DRC9: variants seen among roughly 807,000 people sequenced by gnomAD.
DRC9 encodes dynein regulatory complex protein 9.
At chr3:197,932,381 T>C in the DRC9 span, 2 of 1,184,736 alleles carry the variant, frequency 1.7e-6, no homozygotes, top group Non-Finnish European at 2.4e-6. Flanking sequence ...ACCCCTGTAA[T>C]CCCAGCACTT....
At chr3:197,894,573 G>A in the DRC9 span, 2 of 152,110 alleles carry the variant, frequency 1.3e-5, no homozygotes, top group South Asian at 2.1e-4. Flanking sequence ...TGGCTCCTGC[G>A]CAAGAGTGAC....
At chr3:197,893,217 C>T in the DRC9 span, among the ~76,000 whole-genome samples, 1,132 of 152,062 alleles carry the variant, frequency 7.4e-3, 10 homozygotes, top group African/African-American at 0.021. Context: ...ATTAGCTGGG[C>T]ATGGTGGCGC....
chr3:197,915,240 TA>T, the DRC9 span, among the ~76,000 whole-genome samples: 11 of 129,774 alleles, frequency 8.5e-5, no homozygotes, highest in Admixed American at 8.1e-5. Flanking sequence ...AAGGGAACTC[TA>T]AAAAAAAAAA....
the DRC9 span, chr3:197,943,920 G>C: frequency 6.2e-7 from 1 of 1,614,098 alleles, no homozygotes; most frequent in Non-Finnish European, 8.5e-7. Context: ...CGGGATTTCT[G>C]GGATGATTTC....
the DRC9 span, among the ~76,000 whole-genome samples, chr3:197,928,861 C>T: frequency 6.6e-6 from 1 of 152,050 alleles, no homozygotes; most frequent in Non-Finnish European, 1.5e-5. Flanking sequence ...AGCTACAGGC[C>T]CCCCAGAAAA....
the DRC9 span, among the ~76,000 whole-genome samples, chr3:197,909,814 GAA>G: frequency 6.6e-6 from 1 of 152,136 alleles, no homozygotes; most frequent in African/African-American, 2.4e-5. Context: ...CCAACATGGT[GAA>G]ACCCCATCTC....
chr3:197,926,175 C>T, the DRC9 span: 20 of 829,224 alleles, frequency 2.4e-5, no homozygotes, highest in Non-Finnish European at 3.9e-5. Context: ...AGGACCACCC[C>T]GCACATAAGA....
the DRC9 span, chr3:197,960,062 C>G: frequency 1.6e-6 from 1 of 628,522 alleles, no homozygotes; most frequent in South Asian, 2.1e-5. Flanking sequence ...CTTCGCGCCA[C>G]GAGACGCGAT....
At chr3:197,950,820 ACTC>A in the DRC9 span, 3 of 851,296 alleles carry the variant, frequency 3.5e-6, no homozygotes, top group East Asian at 7.6e-5. Context: ...TTGTCCCCGA[ACTC>A]CTACATGAAA....
the DRC9 span, chr3:197,954,572 T>C: frequency 3.6e-6 from 1 of 277,522 alleles, no homozygotes; most frequent in African/African-American, 2.2e-5. Flanking sequence ...TGCAGTGGCA[T>C]GATCTCAGCT....
chr3:197,941,080 T>C, the DRC9 span, among the ~76,000 whole-genome samples: 3 of 152,186 alleles, frequency 2.0e-5, no homozygotes, highest in Non-Finnish European at 2.9e-5. Flanking sequence ...GCAGGTAGCA[T>C]TGAAAAGACT....
chr3:197,934,331 C>A, the DRC9 span, among the ~76,000 whole-genome samples: 12 of 151,830 alleles, frequency 7.9e-5, no homozygotes, highest in African/African-American at 2.4e-4. Context: ...ATTACAGGCA[C>A]GTGCCACCAC....
chr3:197,919,364 T>C, the DRC9 span, among the ~76,000 whole-genome samples: 9 of 152,308 alleles, frequency 5.9e-5, no homozygotes, highest in South Asian at 1.9e-3. Context: ...TGTCCTCTTC[T>C]TCCCAGTGTG....
At chr3:197,933,116 T>C in the DRC9 span, among the ~76,000 whole-genome samples, 1 of 139,118 alleles carries the variant, frequency 7.2e-6, no homozygotes, top group Non-Finnish European at 1.5e-5. Flanking sequence ...ATAAAATACA[T>C]ATATTATACA....
the DRC9 span, among the ~76,000 whole-genome samples, chr3:197,928,518 T>C: frequency 1.3e-5 from 2 of 152,026 alleles, no homozygotes; most frequent in East Asian, 3.9e-4. Context: ...CCTCGCTAAT[T>C]TTTGCATTTT....
the DRC9 span, among the ~76,000 whole-genome samples, chr3:197,902,658 A>G: frequency 6.6e-6 from 1 of 152,136 alleles, no homozygotes; most frequent in South Asian, 2.1e-4. Context: ...CTATTTGAAA[A>G]TACACAGGAA....
At chr3:197,891,408 A>T in the DRC9 span, 1 of 1,094,818 alleles carries the variant, frequency 9.1e-7, no homozygotes, top group Non-Finnish European at 1.4e-6. Context: ...CCTCAGTGTT[A>T]AGCCAGCTGT....
chr3:197,955,424 A>C, the DRC9 span, among the ~76,000 whole-genome samples: 1 of 149,720 alleles, frequency 6.7e-6, no homozygotes, highest in Non-Finnish European at 1.5e-5. Flanking sequence ...CACCATGCCC[A>C]GCTGATTTTT....
At chr3:197,908,813 C>G in the DRC9 span, among the ~76,000 whole-genome samples, 2 of 150,472 alleles carry the variant, frequency 1.3e-5, no homozygotes, top group African/African-American at 4.9e-5. Flanking sequence ...CTTTCCCAGG[C>G]ATCCTCCCAG....
Sources: allele counts gnomAD v4.1 joint callset (sites outside exome capture counted in the v4.1 genomes callset), GRCh38; gene constraint gnomAD v4.1.1; transcripts MANE v1.5; gene names NCBI Gene and HGNC (gene_info 2026-07-23, HGNC 2026-07-21).